MCTS1: variants seen among roughly 807,000 people sequenced by gnomAD.
The protein encoded by MCTS1 is malignant T-cell-amplified sequence 1.
For synonymous variants in MCTS1, 26 were observed against 40.8 expected (o/e 0.64, Z 1.38); for missense variants, 55 against 128.6 (o/e 0.43, Z 2.77).
chrX:120,611,016 C>T lies in MCTS1; in HGVS notation c.402C>T (p.Ile134=). The change falls in exon 5 of 6, where the codon ATC becomes ATT. Residue 134 remains isoleucine, a synonymous_variant. Coordinates refer to ENST00000371317, the MANE Select transcript of MCTS1 (RefSeq NM_014060.3). The stretch of plus-strand genomic sequence containing the variant: ...TCTTAGCTGTGTTCTTTCAGGCTAT[C>T]ATGGCAGAAGGAAAACAGCATGCTC... ...YPAAVDTIVA[I]MAEGKQHALC... is the part of the protein sequence containing the mutation. 1 of 1,210,853 alleles carries T rather than the reference C, an allele frequency of 8.3e-7. No homozygotes were observed. Among genetic ancestry groups the T allele is most frequent in the Non-Finnish European group, 1.1e-6 (1 of 894,568 alleles).
chrX:120,606,784 CAAAAAAAAAAAA>C (rs763945946), intron 3 of MCTS1, among the ~76,000 whole-genome samples: 4 of 38,516 alleles, frequency 1.0e-4, no homozygotes, highest in African/African-American at 3.2e-4. Context: ...GACTTAGTCT[CAAAAAAAAAAAA>C]AAAAAAAAAA....
In MCTS1 at chrX:120,619,121, AT is replaced by A. The variant is rs974391530; in HGVS notation, c.*6858del. On this transcript the variant is annotated 3_prime_UTR_variant, in exon 6 of 6. Transcript: ENST00000371317. ...AAAGTAACTTATGAATTTCTTAAAA[AT>A]AGTTTTTAAAAAGCTGTTTCAGGAA... Among the ~76,000 whole-genome samples, 9 of 112,357 alleles carry A rather than the reference AT, an allele frequency of 8.0e-5. No homozygotes were observed. Among genetic ancestry groups the A allele is most frequent in the African/African-American group, 2.9e-4 (9 of 30,953 alleles).
intron 3 of MCTS1, among the ~76,000 whole-genome samples, chrX:120,606,786 A>C (rs1312587567): frequency 1.3e-4 from 13 of 102,532 alleles, no homozygotes; most frequent in African/African-American, 5.0e-4. Flanking sequence ...CTTAGTCTCA[A>C]AAAAAAAAAA....
chrX:120,608,684 A>G (rs1218611453), intron 4 of MCTS1, among the ~76,000 whole-genome samples: 4 of 111,985 alleles, frequency 3.6e-5, no homozygotes, highest in Non-Finnish European at 7.5e-5. Flanking sequence ...GAAAGGATAT[A>G]GATGATATAA....
In MCTS1 at chrX:120,614,883, G is replaced by A. The variant is rs1395420978; in HGVS notation, c.*2619G>A. The stretch of plus-strand genomic sequence containing the variant: ...AAAAACTTTTAATAGCTTGGTTTTT[G>A]AAATAATTCATCTTTGTGTCTAACC... On this transcript the variant is annotated 3_prime_UTR_variant, in exon 6 of 6. Coordinates refer to ENST00000371317, the MANE Select transcript of MCTS1 (RefSeq NM_014060.3). Among the ~76,000 whole-genome samples the A allele has an allele frequency of 8.9e-6, 1 of 112,355 alleles. No homozygotes were observed. Among genetic ancestry groups the A allele is most frequent in the African/African-American group, 3.2e-5 (1 of 30,936 alleles).
In MCTS1 at chrX:120,604,550, G is replaced by A. The variant is rs1055327248; in HGVS notation, c.11+303G>A. On this transcript the variant is annotated intron_variant, in intron 1 of 5. Coordinates refer to ENST00000371317, the MANE Select transcript of MCTS1 (RefSeq NM_014060.3). ...CTAGGGTTCTACCAATCACATCCGT[G>A]CACTGTGATTTAGAGGCATATTCTC... 10 of 611,460 alleles carry A rather than the reference G, an allele frequency of 1.6e-5. No individual in the cohort carries two copies. In the South Asian group the frequency reaches 4.1e-4, roughly 25 times the overall value. The allele number at this position is 611,460 out of a possible 1,213,427, so 50.4% of individuals were successfully genotyped here.
chrX:120,611,327 G>A (rs969320238), intron 5 of MCTS1: 2 of 262,558 alleles, frequency 7.6e-6, no homozygotes, highest in East Asian at 5.8e-5. Context: ...ATGTGTGTAC[G>A]TGGTACTTTA....
At position 120,617,379 on chromosome X, in the gene MCTS1, A is replaced by G. The variant is rs746284779; in HGVS notation, c.*5115A>G. 9.0e-6 allele frequency among the ~76,000 whole-genome samples: 1 copy of G among 111,251 alleles called. No individual in the cohort carries two copies. The highest frequency in any genetic ancestry group is 1.9e-5 in the Non-Finnish European group (1 of 53,040). Reference sequence around the variant, plus strand: ...GCTAATTTTTGTATTTTTAGTAGAGACAGGGTTTCACCATGTTGGCCAGGC... The same window carrying G: ...GCTAATTTTTGTATTTTTAGTAGAGGCAGGGTTTCACCATGTTGGCCAGGC... On this transcript the variant is annotated 3_prime_UTR_variant, in exon 6 of 6. Coordinates refer to ENST00000371317, the MANE Select transcript of MCTS1 (RefSeq NM_014060.3).
rs1395941190 is a variant in MCTS1, at chrX:120,614,478, G to C, written c.*2214G>C. 8.9e-6 allele frequency among the ~76,000 whole-genome samples: 1 copy of C among 111,845 alleles called. No individual in the cohort carries two copies. The highest frequency in any genetic ancestry group is 1.9e-5 in the Non-Finnish European group (1 of 53,187). On this transcript the variant is annotated 3_prime_UTR_variant, in exon 6 of 6. Transcript: ENST00000371317. Reference sequence around the variant, plus strand: ...ATTTTATTTCCTATATCCTTTTCAAGTTCCATGTAGTTTTCCTTATGTTAT... The same window carrying C: ...ATTTTATTTCCTATATCCTTTTCAACTTCCATGTAGTTTTCCTTATGTTAT...
In MCTS1 at chrX:120,619,498, T is replaced by TTC. The variant is rs1442143130; in HGVS notation, c.*7234_*7235insTC. On this transcript the variant is annotated 3_prime_UTR_variant, in exon 6 of 6. Transcript: ENST00000371317. The stretch of plus-strand genomic sequence containing the variant: ...TAAGGCTCAGAGAGGTCATACAACT[T>TTC]CAGGAAAGTTGTATGACCTCTCTGA... Among the ~76,000 whole-genome samples the TTC allele has an allele frequency of 9.2e-6, 1 of 108,684 alleles. No individual in the cohort carries two copies. The highest frequency in any genetic ancestry group is 4.8e-3 in the Middle Eastern group (1 of 208). 94.4% of individuals were successfully genotyped at this position (108,684 alleles called of 115,157 possible).
rs898881217 is a variant in MCTS1 at position 120,604,301 on chromosome X, G to A, written c.11+54G>A. 10 of 1,181,151 alleles carry A rather than the reference G, an allele frequency of 8.5e-6. 1 individual carries two copies. The Admixed American group carries it at 8.9e-5, about 11-fold the overall frequency. The stretch of plus-strand genomic sequence containing the variant: ...TGCTCACAAAGGCGGTGGGGTGGGG[G>A]TGGGGAAGAGGGCGAGAGCTAAGAT... On this transcript the variant is annotated intron_variant, in intron 1 of 5. Coordinates refer to ENST00000371317, the MANE Select transcript of MCTS1 (RefSeq NM_014060.3).
At position 120,611,089 on chromosome X, in the gene MCTS1, C is replaced by T. The variant is rs756439637; in HGVS notation, c.464+11C>T. ...GTCTGCAGAAGACATGTAAGTCTTA[C>T]TTTAGGCCCCCTTAACTTTTGATAT... On this transcript the variant is annotated intron_variant, in intron 5 of 5. Coordinates refer to ENST00000371317, the MANE Select transcript of MCTS1 (RefSeq NM_014060.3). 8.3e-6 allele frequency: 10 copies of T among 1,203,420 alleles called. No individual in the cohort carries two copies. The highest frequency in any genetic ancestry group is 1.1e-5 in the Non-Finnish European group (10 of 889,483).
chrX:120,610,694 A>C (rs1926664915), intron 4 of MCTS1, among the ~76,000 whole-genome samples: 1 of 113,148 alleles, frequency 8.8e-6, no homozygotes. Context: ...CACAGTTTTT[A>C]GTATTTATGT....
At position 120,616,936 on chromosome X, in the gene MCTS1, G is replaced by A. The variant is rs986398635; in HGVS notation, c.*4672G>A. Among the ~76,000 whole-genome samples the A allele has an allele frequency of 3.6e-5, 4 of 111,753 alleles. No homozygotes were observed. Among genetic ancestry groups the A allele is most frequent in the Non-Finnish European group, 7.5e-5 (4 of 53,123 alleles). ...GCAAACATAGCTAGTAATACTAACA[G>A]GTGAAAACTGATATTTCAAATGACT... is the stretch of plus-strand genomic sequence containing the variant. On this transcript the variant is annotated 3_prime_UTR_variant, in exon 6 of 6. Coordinates refer to ENST00000371317, the MANE Select transcript of MCTS1 (RefSeq NM_014060.3).
At chrX:120,612,136 A>G (rs1926701287) in intron 5 of MCTS1, 47 bp from the exon 6 acceptor site, 10 of 926,764 alleles carry the variant, frequency 1.1e-5, no homozygotes, top group Non-Finnish European at 1.5e-5. Context: ...GAGTAAGACT[A>G]TAAAAATGCA....
chrX:120,610,885 A>G (rs1926670014), intron 4 of MCTS1, 126 bp from the exon 5 acceptor site: 1 of 626,542 alleles, frequency 1.6e-6, no homozygotes, highest in East Asian at 3.3e-5. Context: ...TTAATGGTCT[A>G]GGAGAAGACA....
At chrX:120,607,710 A>G (rs573226467) in intron 3 of MCTS1, among the ~76,000 whole-genome samples, 31 of 111,671 alleles carry the variant, frequency 2.8e-4, no homozygotes, top group African/African-American at 9.8e-4. Context: ...TCCCAAATAC[A>G]TGTCAAGTAT....
Position 120,616,564 on chromosome X carries a change from C to G in MCTS1, c.*4300C>G, listed in dbSNP as rs1926860895. 9.0e-6 allele frequency among the ~76,000 whole-genome samples: 1 copy of G among 111,664 alleles called. No individual in the cohort carries two copies. The highest frequency in any genetic ancestry group is 1.9e-5 in the Non-Finnish European group (1 of 53,139). Reference sequence around the variant, plus strand: ...TCATTGTTGAGACTATTAGGTTCATCTGTCTGTTTAAGAGTCTGGCCTTAG... The same window carrying G: ...TCATTGTTGAGACTATTAGGTTCATGTGTCTGTTTAAGAGTCTGGCCTTAG... On this transcript the variant is annotated 3_prime_UTR_variant, in exon 6 of 6. Transcript: ENST00000371317.
chrX:120,604,525 C>T (rs1926480098), intron 1 of MCTS1: 2 of 586,140 alleles, frequency 3.4e-6, no homozygotes, highest in Admixed American at 8.6e-5. Context: ...GTCTCCATTC[C>T]TAGGGTTCTA....
Sources: allele counts gnomAD v4.1 joint callset (sites outside exome capture counted in the v4.1 genomes callset), GRCh38; gene constraint gnomAD v4.1.1; transcripts MANE v1.5; gene names NCBI Gene and HGNC (gene_info 2026-07-23, HGNC 2026-07-21).